The following MECOM variants were observed in gnomAD, a reference collection of about 807,000 sequenced individuals.
MECOM encodes MDS1 and EVI1 complex locus.
In MECOM, 13 loss-of-function variants were observed where a neutral mutation model predicts 116.3. The observed-to-expected ratio is 0.11, with a 90% CI of 0.07 to 0.18. The LOEUF (loss-of-function observed/expected upper bound fraction) is 0.18, where lower values mean the gene tolerates loss of function less well. Ranked by LOEUF, MECOM falls within the 10% of genes least tolerant of loss-of-function variation. The pLI, the probability that MECOM is intolerant of heterozygous loss-of-function variation, is 1.00. For synonymous variants in MECOM, 528 were observed against 535.2 expected, an observed-to-expected ratio of 0.99 and a Z score of 0.19; for missense variants, 1,299 against 1,509.0, an observed-to-expected ratio of 0.86 and a Z score of 2.31.
rs1451221553 is a variant in MECOM at position 169,382,866 on chromosome 3, A to T, written c.38-1342T>A. Among the ~76,000 whole-genome samples the T allele has an allele frequency of 8.4e-5, 4 of 47,382 alleles. 1 individual carries two copies. Among genetic ancestry groups the T allele is most frequent in the Non-Finnish European group, 1.4e-4 (3 of 22,108 alleles). 31.1% of individuals were successfully genotyped at this position (47,382 alleles called of 152,430 possible). On this transcript the variant is annotated intron_variant, in intron 1 of 16. Coordinates refer to ENST00000651503, the MANE Select transcript of MECOM (RefSeq NM_004991.4). ...GCCCATCTCAAAAAAAAAAAAAAAT[A>T]AAAAAAATAAAAAAAGAAGGTAAAA...
chr3:169,347,936 G>A (rs1453441148), intron 2 of MECOM, among the ~76,000 whole-genome samples: 1 of 151,946 alleles, frequency 6.6e-6, no homozygotes, highest in Admixed American at 6.6e-5. Flanking sequence ...GAAGACATTC[G>A]ATTCCAACAG....
chr3:169,139,164 G>C (rs1009152503), intron 3 of MECOM, among the ~76,000 whole-genome samples: 1 of 152,014 alleles, frequency 6.6e-6, no homozygotes, highest in Non-Finnish European at 1.5e-5. Context: ...TCATTCTTCT[G>C]TAACTCATTT....
intron 2 of MECOM, among the ~76,000 whole-genome samples, chr3:169,180,604 G>T (rs1471073404): frequency 6.6e-6 from 1 of 151,676 alleles, no homozygotes; most frequent in East Asian, 1.9e-4. Context: ...GAGTATTTGA[G>T]TTGCATGAGA....
chr3:169,303,644 G>T (rs2149716770), intron 2 of MECOM, among the ~76,000 whole-genome samples: 1 of 152,140 alleles, frequency 6.6e-6, no homozygotes, highest in East Asian at 1.9e-4. Flanking sequence ...CAGCCCCAAA[G>T]TTGTGAGTAT....
chr3:169,430,392 A>G (rs1254634163), intron 1 of MECOM, among the ~76,000 whole-genome samples: 2 of 152,138 alleles, frequency 1.3e-5, no homozygotes, highest in Non-Finnish European at 2.9e-5. Flanking sequence ...ACATTAATAA[A>G]CATTTATTAA....
At chr3:169,204,949 G>C (rs1351088769) in intron 2 of MECOM, among the ~76,000 whole-genome samples, 1 of 152,184 alleles carries the variant, frequency 6.6e-6, no homozygotes, top group Non-Finnish European at 1.5e-5. Context: ...GTTCAGTGTA[G>C]ACAACAGTGT....
At chr3:169,189,240 G>A (rs997780415) in intron 2 of MECOM, among the ~76,000 whole-genome samples, 2 of 151,980 alleles carry the variant, frequency 1.3e-5, no homozygotes, top group South Asian at 4.2e-4. Context: ...AGTGAAAAAT[G>A]AATGACTCTT....
At chr3:169,368,097 T>C (rs561526810) in intron 2 of MECOM, among the ~76,000 whole-genome samples, 1 of 152,200 alleles carries the variant, frequency 6.6e-6, no homozygotes, top group East Asian at 1.9e-4. Context: ...CTCTTTATAT[T>C]ATTCCTTGTT....
In MECOM at chr3:169,240,785, T is replaced by C. The variant is rs868631940; in HGVS notation, c.376-96953A>G. Among the ~76,000 whole-genome samples, 5 of 152,262 alleles carry C rather than the reference T, an allele frequency of 3.3e-5. No individual in the cohort carries two copies. In the Middle Eastern group the frequency reaches 0.017, roughly 518 times the overall value. On this transcript the variant is annotated intron_variant, in intron 2 of 16. Transcript: ENST00000651503. The stretch of plus-strand genomic sequence containing the variant: ...TGGTAGAAAAGGAGTCAGATACTAA[T>C]TATGAGGAGAGATTTTATTAGACAG...
At chr3:169,605,399 C>G (rs868160406) in intron 1 of MECOM, among the ~76,000 whole-genome samples, 18 of 152,222 alleles carry the variant, frequency 1.2e-4, no homozygotes, top group Admixed American at 4.6e-4. Flanking sequence ...CTAGCTCTTA[C>G]TCTTTTTTCT....
intron 1 of MECOM, among the ~76,000 whole-genome samples, chr3:169,421,662 A>G (rs937933137): frequency 1.8e-4 from 28 of 151,740 alleles, no homozygotes; most frequent in African/African-American, 6.8e-4. Context: ...TGGCAAACCA[A>G]TCACTTATAG....
At chr3:169,283,364 G>C (rs1248573156) in intron 2 of MECOM, among the ~76,000 whole-genome samples, 2 of 151,634 alleles carry the variant, frequency 1.3e-5, no homozygotes, top group African/African-American at 2.4e-5. Context: ...TTAACTGGAT[G>C]TGGCAGCATC....
intron 1 of MECOM, among the ~76,000 whole-genome samples, chr3:169,476,531 C>T (rs1442207859): frequency 1.3e-5 from 2 of 152,188 alleles, no homozygotes; most frequent in Non-Finnish European, 2.9e-5. Context: ...GCACATCAAT[C>T]ATGGCCAAGA....
intron 2 of MECOM, among the ~76,000 whole-genome samples, chr3:169,214,706 G>T (rs887476935): frequency 6.6e-5 from 10 of 150,600 alleles, no homozygotes; most frequent in Non-Finnish European, 8.9e-5. Context: ...TTAACTAAGG[G>T]TGCCAACAAA....
chr3:169,552,144 A>G (rs1761476149), intron 1 of MECOM, among the ~76,000 whole-genome samples: 2 of 138,946 alleles, frequency 1.4e-5, no homozygotes, highest in Non-Finnish European at 1.6e-5. Context: ...TATACTAAAA[A>G]CCATGAAATT....
chr3:169,429,572 T>C (rs761390209), intron 1 of MECOM, among the ~76,000 whole-genome samples: 1 of 152,164 alleles, frequency 6.6e-6, no homozygotes, highest in Non-Finnish European at 1.5e-5. Context: ...CCAGATGAGA[T>C]GTAAAGTTTA....
chr3:169,393,987 T>TATA (rs1322299596), intron 1 of MECOM, among the ~76,000 whole-genome samples: 2 of 152,130 alleles, frequency 1.3e-5, no homozygotes, highest in Non-Finnish European at 2.9e-5. Flanking sequence ...TTATAACTGT[T>TATA]ATAATTCTAT....
intron 1 of MECOM, among the ~76,000 whole-genome samples, chr3:169,652,368 A>C (rs570438317): frequency 2.0e-5 from 3 of 152,346 alleles, no homozygotes; most frequent in Admixed American, 1.3e-4. Flanking sequence ...GGTAAAGTCT[A>C]TGCTAAGCAT....
At chr3:169,206,989 C>A (rs1750020353) in intron 2 of MECOM, among the ~76,000 whole-genome samples, 1 of 152,038 alleles carries the variant, frequency 6.6e-6, no homozygotes, top group Non-Finnish European at 1.5e-5. Context: ...ACTTTAAAAG[C>A]AGTTTGAAAC....
Sources: gnomAD v4.1 joint callset for allele counts (sites outside exome capture counted in the v4.1 genomes callset) on GRCh38, gnomAD v4.1.1 for gene constraint, MANE v1.5 for transcripts, NCBI Gene and HGNC (gene_info 2026-07-23, HGNC 2026-07-21) for gene names.